CSMD1: variants seen among roughly 807,000 people sequenced by gnomAD.
CSMD1 encodes CUB and sushi domain-containing protein 1.
Under a neutral mutation model 417.5 loss-of-function variants are expected in CSMD1, and 213 were observed. The ratio of observed to expected loss-of-function variants is 0.51; its 90% confidence interval spans 0.46 to 0.57. The LOEUF (loss-of-function observed/expected upper bound fraction) is 0.57, where lower values mean the gene tolerates loss of function less well. CSMD1 is among the 20% of genes least tolerant of loss of function. CSMD1 has a pLI of 0.00. For missense variants in CSMD1, 6,923 were observed against 4,529.7 expected (o/e 1.53, Z -15.17); for synonymous variants, 2,862 against 1,736.8 (o/e 1.65, Z -16.11).
intron 41 of CSMD1, among the ~76,000 whole-genome samples, chr8:3,129,135 C>T (rs1454674413): frequency 6.6e-6 from 1 of 152,260 alleles, no homozygotes; most frequent in Admixed American, 6.5e-5. Flanking sequence ...GTCAGGCCCA[C>T]TTTGCCAGGG....
chr8:4,017,129 G>T (rs566339083), intron 4 of CSMD1, among the ~76,000 whole-genome samples: 2 of 152,284 alleles, frequency 1.3e-5, no homozygotes, highest in South Asian at 4.1e-4. Flanking sequence ...CGCTCTCCAT[G>T]CAATTGTACA....
intron 1 of CSMD1, among the ~76,000 whole-genome samples, chr8:4,730,310 A>G (rs1809760301): frequency 6.6e-6 from 1 of 152,204 alleles, no homozygotes; most frequent in South Asian, 2.1e-4. Flanking sequence ...ATCAAAGACA[A>G]ATTCAGTTCA....
chr8:3,276,387 C>G (rs181233523), intron 26 of CSMD1, among the ~76,000 whole-genome samples: 1 of 152,156 alleles, frequency 6.6e-6, no homozygotes, highest in African/African-American at 2.4e-5. Context: ...AGCTGTAGAC[C>G]GGAGCTGTTC....
chr8:3,408,016 C>G lies in CSMD1; in HGVS notation c.1954G>C (p.Gly652Arg). The change falls in exon 14 of 70, where the codon GGT (glycine) becomes CGT (arginine). Residue 652 changes from glycine (G) to arginine (R), a missense_variant. By Grantham distance (125) the Gly-to-Arg change is moderately radical. Coordinates refer to ENST00000635120, the MANE Select transcript of CSMD1 (RefSeq NM_033225.6). ...GGCACTTCATTGCCAGAAAAAGTAC[C>G]CAGGACAGTTATGTCAGAAATGCCA... ...DDGISDITVL[G>R]TFSGNEVPSQ... 2 of 1,613,766 alleles carry G rather than the reference C, an allele frequency of 1.2e-6. No individual in the cohort carries two copies. The highest frequency in any genetic ancestry group is 2.2e-5 in the East Asian group (1 of 44,854).
chr8:4,395,616 C>T (rs751908543), intron 3 of CSMD1, among the ~76,000 whole-genome samples: 3 of 151,888 alleles, frequency 2.0e-5, no homozygotes, highest in Non-Finnish European at 4.4e-5. Context: ...ATTAATATTG[C>T]CCCCATTATA....
intron 1 of CSMD1, among the ~76,000 whole-genome samples, chr8:4,643,821 G>T (rs770649737): frequency 6.6e-6 from 1 of 152,218 alleles, no homozygotes; most frequent in Non-Finnish European, 1.5e-5. Flanking sequence ...GATTTAAAGT[G>T]CCGTTCCGGG....
At chr8:4,552,333 T>TC (rs1175943069) in intron 2 of CSMD1, among the ~76,000 whole-genome samples, 2 of 152,188 alleles carry the variant, frequency 1.3e-5, no homozygotes, top group East Asian at 1.9e-4. Context: ...AATCTCACAT[T>TC]CTTTTTTTTT....
At chr8:4,574,620 T>G (rs1563300296) in intron 2 of CSMD1, among the ~76,000 whole-genome samples, 2 of 152,210 alleles carry the variant, frequency 1.3e-5, no homozygotes, top group African/African-American at 2.4e-5. Flanking sequence ...TATGTGTCCA[T>G]GAATACATTA....
Position 4,713,648 on chromosome 8 carries a change from C to T in CSMD1, c.86-76090G>A, listed in dbSNP as rs528157822. 2.6e-5 allele frequency among the ~76,000 whole-genome samples: 4 copies of T among 152,176 alleles called. No homozygotes were observed. The South Asian group carries it at 6.2e-4, about 24-fold the overall frequency. ...CACATAACAATATAAAAAAGTGGAA[C>T]GTCTCTTAACAAAACAGAGGTCAGG... On this transcript the variant is annotated intron_variant, in intron 1 of 69. Coordinates refer to ENST00000635120, the MANE Select transcript of CSMD1 (RefSeq NM_033225.6).
At chr8:3,310,123 G>C (rs1045354191) in intron 23 of CSMD1, among the ~76,000 whole-genome samples, 1 of 152,210 alleles carries the variant, frequency 6.6e-6, no homozygotes, top group Non-Finnish European at 1.5e-5. Flanking sequence ...AAATTAGGGG[G>C]ATGGTTTCAA....
rs181993622 is a variant in CSMD1, at chr8:4,802,282, G to A, written c.86-164724C>T. Among the ~76,000 whole-genome samples the A allele has an allele frequency of 1.5e-3, 222 of 152,110 alleles. 3 individuals are homozygous for A. The highest frequency in any genetic ancestry group is 5.0e-3 in the African/African-American group (209 of 41,482). ...CTCTGCCTGCCTCAGCCAAGGCTTCGTGGTTTCAGGCTCATCTTGACCTAT... is the reference window on the plus strand; with the variant it reads ...CTCTGCCTGCCTCAGCCAAGGCTTCATGGTTTCAGGCTCATCTTGACCTAT... On this transcript the variant is annotated intron_variant, in intron 1 of 69. Coordinates refer to ENST00000635120, the MANE Select transcript of CSMD1 (RefSeq NM_033225.6).
intron 2 of CSMD1, among the ~76,000 whole-genome samples, chr8:4,586,896 G>C (rs1799727312): frequency 6.6e-6 from 1 of 152,174 alleles, no homozygotes. Context: ...TGATAAGAGT[G>C]CTTAACTTTG....
At chr8:3,886,067 T>C (rs929218061) in intron 5 of CSMD1, among the ~76,000 whole-genome samples, 15 of 152,048 alleles carry the variant, frequency 9.9e-5, no homozygotes, top group African/African-American at 3.6e-4. Flanking sequence ...TATTATTTTT[T>C]TGAGACAGAC....
At chr8:3,565,818 TG>T (rs1306304316) in intron 10 of CSMD1, among the ~76,000 whole-genome samples, 1 of 151,070 alleles carries the variant, frequency 6.6e-6, no homozygotes, top group African/African-American at 2.5e-5. Flanking sequence ...TCAAATATAT[TG>T]TTTTTTTTTT....
At chr8:4,061,311 C>A (rs868296387) in intron 3 of CSMD1, among the ~76,000 whole-genome samples, 60 of 152,206 alleles carry the variant, frequency 3.9e-4, no homozygotes, top group African/African-American at 1.4e-3. Context: ...ACAAGAATTT[C>A]TTTAACAAGG....
intron 5 of CSMD1, among the ~76,000 whole-genome samples, chr8:3,757,916 T>C (rs541253975): frequency 1.3e-5 from 2 of 152,192 alleles, no homozygotes; most frequent in African/African-American, 4.8e-5. Context: ...AAACAGATGA[T>C]GCATAGCAGC....
chr8:4,501,856 G>A (rs550846638), intron 2 of CSMD1, among the ~76,000 whole-genome samples: 4 of 152,176 alleles, frequency 2.6e-5, no homozygotes, highest in South Asian at 2.1e-4. Flanking sequence ...TGTCTGTATA[G>A]GAAAAAACAT....
intron 7 of CSMD1, among the ~76,000 whole-genome samples, chr8:3,680,928 T>A (rs994036848): frequency 5.9e-5 from 9 of 152,070 alleles, no homozygotes; most frequent in African/African-American, 1.2e-4. Flanking sequence ...ACAGAACCAA[T>A]GACAAAAACC....
At chr8:3,829,274 C>G (rs758735931) in intron 5 of CSMD1, among the ~76,000 whole-genome samples, 5 of 152,060 alleles carry the variant, frequency 3.3e-5, no homozygotes, top group Non-Finnish European at 7.4e-5. Flanking sequence ...TGAGAAAATA[C>G]GATGTTTGGT....
Sources: allele counts gnomAD v4.1 joint callset (sites outside exome capture counted in the v4.1 genomes callset), GRCh38; gene constraint gnomAD v4.1.1; transcripts MANE v1.5; gene names NCBI Gene and HGNC (gene_info 2026-07-23, HGNC 2026-07-21).